Variants in TBC1D19 observed in about 807,000 individuals in gnomAD.
TBC1D19 encodes TBC1 domain family member 19.
Under a neutral mutation model 89.0 loss-of-function variants are expected in TBC1D19, and 60 were observed. That is an observed-to-expected ratio of 0.67 (90% CI 0.55 to 0.84). TBC1D19 has a LOEUF of 0.84. Ranked by LOEUF, TBC1D19 falls within the 40% of genes least tolerant of loss-of-function variation. TBC1D19 has a pLI of 0.00. For missense variants in TBC1D19, 500 were observed against 610.8 expected (o/e 0.82, Z 1.91); for synonymous variants, 189 against 199.7 (o/e 0.95, Z 0.45).
chr4:26,826,999 A>T, the TBC1D19 span, among the ~76,000 whole-genome samples: 25 of 152,166 alleles, frequency 1.6e-4, no homozygotes, highest in African/African-American at 5.3e-4. Flanking sequence ...TTTCCTCAGG[A>T]GGTTTCACTA....
the TBC1D19 span, among the ~76,000 whole-genome samples, chr4:26,775,802 ATTTGTCAGTTTTCAAGGC>A: frequency 1.3e-5 from 2 of 151,984 alleles, no homozygotes; most frequent in African/African-American, 4.8e-5. Context: ...CTTTCCCTTT[ATTTGTCAGTTTTCAAGGC>A]AATGAGTTGG....
chr4:26,590,803 T>TG, intron 1 of TBC1D19, among the ~76,000 whole-genome samples: 1 of 115,358 alleles, frequency 8.7e-6, no homozygotes, highest in African/African-American at 3.2e-5. Context: ...TCTGTTTTTT[T>TG]TTTTTTTTTT....
chr4:26,756,603 C>A (rs1719271514), downstream of TBC1D19, among the ~76,000 whole-genome samples: 1 of 152,076 alleles, frequency 6.6e-6, no homozygotes, highest in Non-Finnish European at 1.5e-5. Context: ...ATTTACCTTG[C>A]AGGTAGGTAA....
chr4:26,659,788 C>G, intron 8 of TBC1D19, 81 bp downstream of exon 8: 1 of 787,966 alleles, frequency 1.3e-6, no homozygotes, highest in Admixed American at 2.6e-5. Flanking sequence ...GTATGTAAAG[C>G]AATAGGGTAA....
chr4:26,638,164 A>G (rs1380060945), intron 5 of TBC1D19, among the ~76,000 whole-genome samples: 1 of 148,616 alleles, frequency 6.7e-6, no homozygotes, highest in Non-Finnish European at 1.5e-5. Flanking sequence ...TTTTCTTTGT[A>G]GCTGCTCACA....
intron 1 of TBC1D19, among the ~76,000 whole-genome samples, chr4:26,589,373 C>T (rs1175234710): frequency 6.6e-6 from 1 of 152,188 alleles, no homozygotes; most frequent in African/African-American, 2.4e-5. Flanking sequence ...GAGTTTTTCT[C>T]ATTGTTTCTA....
At chr4:26,811,410 C>T in the TBC1D19 span, among the ~76,000 whole-genome samples, 4 of 152,110 alleles carry the variant, frequency 2.6e-5, no homozygotes, top group Admixed American at 6.5e-5. Flanking sequence ...GTTACTGACT[C>T]GTGAAAGAAG....
rs536214874 is a variant in TBC1D19 at position 26,688,744 on chromosome 4, G to T, written c.954+337G>T. ...CCAAGATGTTTGGAGAAAGCATTTT[G>T]CATTATACTTTTAAAATTAAAGATA... On this transcript the variant is annotated intron_variant, in intron 13 of 20. Coordinates refer to ENST00000264866, the MANE Select transcript of TBC1D19 (RefSeq NM_018317.4). Among the ~76,000 whole-genome samples, 178 of 152,052 alleles carry T rather than the reference G, an allele frequency of 1.2e-3. 1 individual carries two copies. Among genetic ancestry groups the T allele is most frequent in the Non-Finnish European group, 1.4e-3 (98 of 67,912 alleles).
In TBC1D19 at chr4:26,742,579, A is replaced by G. The variant is rs754693233; in HGVS notation, c.1299A>G (p.Leu433=). ...QTYLPQLFYH[L]REIGAQPLRI... ...ATCTTCCCCAACTCTTTTATCATCT[A>G]CGAGAAATTGGGGCTCAACCGTGAG... Residue 433 remains leucine, a synonymous_variant, in exon 18 of 21, where the codon CTA becomes CTG. Transcript: ENST00000264866. 1.2e-6 allele frequency: 2 copies of G among 1,612,238 alleles called. No individual in the cohort carries two copies. The highest frequency in any genetic ancestry group is 3.3e-5 in the Admixed American group (2 of 59,988).
At chr4:26,588,245 T>C (rs1303630901) in intron 1 of TBC1D19, among the ~76,000 whole-genome samples, 2 of 152,094 alleles carry the variant, frequency 1.3e-5, no homozygotes, top group African/African-American at 4.8e-5. Flanking sequence ...CAGGATGGTC[T>C]CGATCTCCTG....
chr4:26,774,115 G>T, the TBC1D19 span, among the ~76,000 whole-genome samples: 6 of 152,250 alleles, frequency 3.9e-5, no homozygotes, highest in East Asian at 9.7e-4. Context: ...GGAGCCTTTT[G>T]GGGGGCAGGG....
the TBC1D19 span, among the ~76,000 whole-genome samples, chr4:26,766,740 G>A: frequency 6.6e-6 from 1 of 152,124 alleles, no homozygotes; most frequent in Non-Finnish European, 1.5e-5. Context: ...TTTACTAACT[G>A]TGTGACTTTG....
the TBC1D19 span, among the ~76,000 whole-genome samples, chr4:26,828,961 C>G: frequency 6.6e-6 from 1 of 152,196 alleles, no homozygotes; most frequent in South Asian, 2.1e-4. Flanking sequence ...TAGGACAAAT[C>G]CATTTAGTTT....
rs181720987 is a variant in TBC1D19, at chr4:26,598,690, G to A, written c.99+14398G>A. ...ATTACAGGCGTGAGCCACCGCGCCC[G>A]GCCCTAAATATACTTCTGTCAATTT... On this transcript the variant is annotated intron_variant, in intron 1 of 20. Coordinates refer to ENST00000264866, the MANE Select transcript of TBC1D19 (RefSeq NM_018317.4). 5.3e-3 allele frequency among the ~76,000 whole-genome samples: 804 copies of A among 152,232 alleles called. 2 individuals are homozygous for A. The highest frequency in any genetic ancestry group is 9.3e-3 in the Non-Finnish European group (631 of 68,006).
chr4:26,749,375 G>C (rs184587028), intron 19 of TBC1D19, among the ~76,000 whole-genome samples: 5 of 151,548 alleles, frequency 3.3e-5, no homozygotes, highest in Admixed American at 3.3e-4. Flanking sequence ...CTGGGCTGCT[G>C]TGGAAATAAA....
intron 9 of TBC1D19, among the ~76,000 whole-genome samples, chr4:26,666,896 A>C (rs1357639826): frequency 3.3e-5 from 5 of 151,972 alleles, no homozygotes; most frequent in Non-Finnish European, 7.4e-5. Context: ...AATAAAAATG[A>C]AGTACAAATT....
intron 4 of TBC1D19, among the ~76,000 whole-genome samples, chr4:26,623,362 C>T (rs980337633): frequency 6.6e-6 from 1 of 152,008 alleles, no homozygotes; most frequent in Admixed American, 6.6e-5. Context: ...TGCTGTCTGC[C>T]AATATTATAT....
At chr4:26,675,054 T>G (rs947144189) in intron 11 of TBC1D19, among the ~76,000 whole-genome samples, 7 of 152,076 alleles carry the variant, frequency 4.6e-5, no homozygotes, top group Non-Finnish European at 1.0e-4. Flanking sequence ...ATGATATTGC[T>G]GACTTTTTAT....
chr4:26,593,828 A>G (rs956755665), intron 1 of TBC1D19, among the ~76,000 whole-genome samples: 2 of 152,256 alleles, frequency 1.3e-5, no homozygotes, highest in African/African-American at 2.4e-5. Flanking sequence ...ATCATTAAAA[A>G]GTCAGGAAAC....
Sources: allele counts gnomAD v4.1 joint callset (sites outside exome capture counted in the v4.1 genomes callset), GRCh38; gene constraint gnomAD v4.1.1; transcripts MANE v1.5; gene names NCBI Gene and HGNC (gene_info 2026-07-23, HGNC 2026-07-21).